ABTB3: variants seen among roughly 807,000 people sequenced by gnomAD.
ABTB3 encodes the protein ankyrin repeat and BTB domain containing 3.
chr12:107,416,940 G>A, the ABTB3 span, among the ~76,000 whole-genome samples: 3 of 152,142 alleles, frequency 2.0e-5, no homozygotes, highest in South Asian at 6.2e-4. Flanking sequence ...GCCACCCCAT[G>A]TCCTCTTAAT....
At chr12:107,324,735 C>T in the ABTB3 span, among the ~76,000 whole-genome samples, 1 of 150,296 alleles carries the variant, frequency 6.7e-6, no homozygotes, top group African/African-American at 2.4e-5. Context: ...AAAAAAAAGA[C>T]ACACCAAAAA....
At chr12:107,469,861 C>CTT in the ABTB3 span, among the ~76,000 whole-genome samples, 44 of 143,722 alleles carry the variant, frequency 3.1e-4, no homozygotes, top group African/African-American at 1.1e-3. Context: ...CTCTTTCTTT[C>CTT]TTTCTTTTCT....
At chr12:107,621,090 G>GA in the ABTB3 span, among the ~76,000 whole-genome samples, 1 of 152,208 alleles carries the variant, frequency 6.6e-6, no homozygotes, top group Non-Finnish European at 1.5e-5. Flanking sequence ...ACACAGCAGG[G>GA]ATGGCCCTTC....
chr12:107,485,380 C>T, the ABTB3 span, among the ~76,000 whole-genome samples: 1 of 152,184 alleles, frequency 6.6e-6, no homozygotes, highest in Non-Finnish European at 1.5e-5. Flanking sequence ...CCTGCTGTGT[C>T]CTAGGCAGTT....
the ABTB3 span, among the ~76,000 whole-genome samples, chr12:107,508,410 A>T: frequency 4.3e-4 from 51 of 118,328 alleles, no homozygotes; most frequent in Admixed American, 1.1e-3. Context: ...CATTGCCATG[A>T]TGTTAATTAA....
chr12:107,602,220 C>A, the ABTB3 span, among the ~76,000 whole-genome samples: 1 of 152,226 alleles, frequency 6.6e-6, no homozygotes, highest in Non-Finnish European at 1.5e-5. Flanking sequence ...CTATCACTCA[C>A]AAAACCATGC....
chr12:107,349,896 G>A, the ABTB3 span, among the ~76,000 whole-genome samples: 7 of 152,210 alleles, frequency 4.6e-5, no homozygotes, highest in Non-Finnish European at 8.8e-5. Flanking sequence ...ACAGAGTGCT[G>A]TGGAAACATA....
the ABTB3 span, among the ~76,000 whole-genome samples, chr12:107,542,227 G>C: frequency 6.6e-6 from 1 of 151,468 alleles, no homozygotes; most frequent in Non-Finnish European, 1.5e-5. Flanking sequence ...CAGGAGAATT[G>C]CTTGAACCCG....
chr12:107,559,444 A>ACAAACTGAGGC, the ABTB3 span, among the ~76,000 whole-genome samples: 237 of 148,952 alleles, frequency 1.6e-3, 1 homozygote, highest in African/African-American at 5.8e-3. Context: ...CTGGCCCAGC[A>ACAAACTGAGGC]TGGCAGGAAC....
chr12:107,616,344 G>A, the ABTB3 span, among the ~76,000 whole-genome samples: 3 of 152,148 alleles, frequency 2.0e-5, no homozygotes, highest in Non-Finnish European at 2.9e-5. Context: ...GTGCCCTCAG[G>A]GAGCCCTAGG....
chr12:107,610,084 T>A, the ABTB3 span: 1 of 1,365,900 alleles, frequency 7.3e-7, no homozygotes, highest in Non-Finnish European at 1.0e-6. Flanking sequence ...AACAGGCAAT[T>A]TACATGAAAA....
At chr12:107,319,476 C>T in the ABTB3 span, 1 of 1,600,526 alleles carries the variant, frequency 6.2e-7, no homozygotes, top group Non-Finnish European at 8.5e-7. Context: ...GCGCACTGTA[C>T]GGCGGCTGCG....
the ABTB3 span, among the ~76,000 whole-genome samples, chr12:107,371,052 T>C: frequency 6.6e-6 from 1 of 152,026 alleles, no homozygotes; most frequent in African/African-American, 2.4e-5. Context: ...AACTACTTAC[T>C]GCTGGCATAG....
At chr12:107,558,234 C>T in the ABTB3 span, among the ~76,000 whole-genome samples, 413 of 152,254 alleles carry the variant, frequency 2.7e-3, 8 homozygotes, top group East Asian at 0.042. Context: ...AGCTCGTTTG[C>T]AGAGGTGCAG....
At chr12:107,354,257 C>G in the ABTB3 span, among the ~76,000 whole-genome samples, 1 of 152,102 alleles carries the variant, frequency 6.6e-6, no homozygotes, top group Non-Finnish European at 1.5e-5. Flanking sequence ...CCATACAGTT[C>G]ACCTATTTAA....
the ABTB3 span, among the ~76,000 whole-genome samples, chr12:107,520,085 G>C: frequency 6.6e-6 from 1 of 152,174 alleles, no homozygotes; most frequent in African/African-American, 2.4e-5. Flanking sequence ...TTTCGGCAGA[G>C]ACTATTCCCC....
chr12:107,512,892 T>A, the ABTB3 span, among the ~76,000 whole-genome samples: 1 of 152,290 alleles, frequency 6.6e-6, no homozygotes, highest in African/African-American at 2.4e-5. Flanking sequence ...TAGGCACTAT[T>A]AATATTACCA....
the ABTB3 span, among the ~76,000 whole-genome samples, chr12:107,385,994 C>T: frequency 6.6e-6 from 1 of 151,036 alleles, no homozygotes; most frequent in Non-Finnish European, 1.5e-5. Context: ...GGTTTCTGGT[C>T]CAGCTCCTGT....
chr12:107,417,703 C>A, the ABTB3 span, among the ~76,000 whole-genome samples: 1 of 152,258 alleles, frequency 6.6e-6, no homozygotes, highest in Non-Finnish European at 1.5e-5. Flanking sequence ...ACAGCAGATA[C>A]TCTCGTTTAC....
Sources: allele counts gnomAD v4.1 joint callset (sites outside exome capture counted in the v4.1 genomes callset), GRCh38; gene constraint gnomAD v4.1.1; transcripts MANE v1.5; gene names NCBI Gene and HGNC (gene_info 2026-07-23, HGNC 2026-07-21).